Variants in YLPM1 observed in about 807,000 individuals in gnomAD.
YLPM1 encodes the protein YLP motif containing 1.
YLPM1 carries 99 observed loss-of-function variants against 230.0 expected under a neutral mutation model. The observed-to-expected ratio is 0.43, with a 90% CI of 0.37 to 0.51. YLPM1 has a LOEUF of 0.51. Among genes scored for constraint, YLPM1 ranks in the 20% least tolerant of loss-of-function variants. YLPM1 has a pLI of 0.00. For synonymous variants in YLPM1, 984 were observed against 942.5 expected, an observed-to-expected ratio of 1.04 and a Z score of -0.81; for missense variants, 2,592 against 2,707.7, an observed-to-expected ratio of 0.96 and a Z score of 0.95.
At chr14:74,805,796 G>A (rs908938869) in intron 6 of YLPM1, among the ~76,000 whole-genome samples, 2 of 149,536 alleles carry the variant, frequency 1.3e-5, no homozygotes, top group East Asian at 2.0e-4. Context: ...TCCACCTCCC[G>A]GGTTCAAGTG....
chr14:74,781,892 C>A lies in YLPM1; in HGVS notation c.1849C>A (p.Pro617Thr). ...ATCTCTCTCTTCAACAGCACCTCCA[C>A]CTGTCATGCCCCTCCCACCATTGTC... Reference protein sequence around the residue: ...PPSLSSTAPPPVMPLPPLSSA... With the variant: ...PPSLSSTAPPTVMPLPPLSSA... Residue 617 changes from proline (P) to threonine (T), a missense_variant, in exon 4 of 21, where the codon CCT becomes ACT. Coordinates refer to ENST00000325680, the MANE Select transcript of YLPM1 (RefSeq NM_019589.3). The A allele has an allele frequency of 6.2e-7, 1 of 1,613,796 alleles. No individual in the cohort carries two copies. Among genetic ancestry groups the A allele is most frequent in the South Asian group, 1.1e-5 (1 of 91,068 alleles).
intron 5 of YLPM1, among the ~76,000 whole-genome samples, chr14:74,801,243 C>G (rs529765919): frequency 6.6e-6 from 1 of 152,106 alleles, no homozygotes; most frequent in East Asian, 1.9e-4. Context: ...TAGCCGAATA[C>G]AAGTCGTTTA....
intron 1 of YLPM1, among the ~76,000 whole-genome samples, chr14:74,774,414 T>C (rs537044358): frequency 6.6e-6 from 1 of 152,196 alleles, no homozygotes; most frequent in South Asian, 2.1e-4. Context: ...TTTTGTATTT[T>C]TTTTGTTTTG....
At chr14:74,814,499 G>T (rs1267636767) in intron 11 of YLPM1, among the ~76,000 whole-genome samples, 1 of 152,180 alleles carries the variant, frequency 6.6e-6, no homozygotes, top group African/African-American at 2.4e-5. Context: ...TGCTTTTTCT[G>T]TGTCAGTTGA....
At position 74,811,728 on chromosome 14, in the gene YLPM1, C is replaced by G; in HGVS notation, c.5337C>G (p.Ser1779=). 1 of 1,596,388 alleles carries G rather than the reference C, an allele frequency of 6.3e-7. No homozygotes were observed. Among genetic ancestry groups the G allele is most frequent in the Admixed American group, 1.8e-5 (1 of 54,394 alleles). ...ACCGACCAGTCTATGAAGGACCATC[C>G]ATGTTTGGAGGTAGAGTGATGCCTT... ...KSDRPVYEGP[S]MFGGERRTYP... Residue 1779 remains serine (S), a synonymous_variant, in exon 10 of 21, where the codon TCC becomes TCG. Coordinates refer to ENST00000325680, the MANE Select transcript of YLPM1 (RefSeq NM_019589.3).
rs1170869883 is a variant in YLPM1, at chr14:74,792,234, C to T, written c.2283-5346C>T. 3.3e-5 allele frequency among the ~76,000 whole-genome samples: 5 copies of T among 152,164 alleles called. No individual in the cohort carries two copies. In the East Asian group the frequency reaches 5.8e-4, roughly 18 times the overall value. On this transcript the variant is annotated intron_variant, in intron 4 of 20. Transcript: ENST00000325680. Reference sequence around the variant, plus strand: ...TTCGCCTTTGCCCATTATAGCTCTGCCAAGCCTTCACTACTTCGCATAGAC... The same window carrying T: ...TTCGCCTTTGCCCATTATAGCTCTGTCAAGCCTTCACTACTTCGCATAGAC...
chr14:74,802,429 G>T, intron 5 of YLPM1, 127 bp from the exon 6 acceptor site: 1 of 1,037,780 alleles, frequency 9.6e-7, no homozygotes. Flanking sequence ...CTCAGTGTAT[G>T]GCCACTGCAG....
intron 4 of YLPM1, among the ~76,000 whole-genome samples, chr14:74,782,726 A>T (rs2091108504): frequency 6.6e-6 from 1 of 152,240 alleles, no homozygotes; most frequent in Non-Finnish European, 1.5e-5. Flanking sequence ...TGAATAAGCC[A>T]ATATTCTACT....
At chr14:74,834,176 C>A (rs1322162587) in intron 19 of YLPM1, among the ~76,000 whole-genome samples, 2 of 139,238 alleles carry the variant, frequency 1.4e-5, no homozygotes, top group African/African-American at 5.6e-5. Context: ...TAGTGAGACT[C>A]TGACTCTAAA....
At chr14:74,790,846 C>T (rs1419889544) in intron 4 of YLPM1, among the ~76,000 whole-genome samples, 1 of 152,026 alleles carries the variant, frequency 6.6e-6, no homozygotes, top group African/African-American at 2.4e-5. Context: ...ATGAGTATCT[C>T]TTGATATATT....
At chr14:74,802,799 A>G in intron 6 of YLPM1, 123 bp downstream of exon 6, 1 of 1,265,692 alleles carries the variant, frequency 7.9e-7, no homozygotes, top group Non-Finnish European at 1.1e-6. Context: ...AATTTTGGAA[A>G]CTTAAAAGTT....
At chr14:74,788,411 C>G (rs904482270) in intron 4 of YLPM1, among the ~76,000 whole-genome samples, 34 of 152,180 alleles carry the variant, frequency 2.2e-4, no homozygotes, top group Non-Finnish European at 3.8e-4. Context: ...TGAGCCACCG[C>G]GCCTGGCCTT....
rs1339692882 is a variant in YLPM1, at chr14:74,763,944, T to G, written c.455T>G (p.Val152Gly). 9.9e-7 allele frequency: 1 copy of G among 1,010,142 alleles called. No homozygotes were observed. The highest frequency in any genetic ancestry group is 1.2e-6 in the Non-Finnish European group (1 of 802,742). The allele number at this position is 1,010,142 out of a possible 1,614,324, so 62.6% of individuals were successfully genotyped here. The change falls in exon 1 of 21, where the codon GTG (valine) becomes GGG (glycine). Residue 152 changes from valine to glycine, a missense_variant. Transcript: ENST00000325680. Reference protein sequence around the residue: ...ELESPPESPPVPPGSYMPPSQ... With the variant: ...ELESPPESPPGPPGSYMPPSQ... The stretch of plus-strand genomic sequence containing the variant: ...GAATCCCCCCCTGAATCTCCCCCTG[T>G]GCCGCCTGGGTCCTATATGCCCCCA...
At chr14:74,792,870 A>G (rs1048861696) in intron 4 of YLPM1, among the ~76,000 whole-genome samples, 3 of 152,156 alleles carry the variant, frequency 2.0e-5, no homozygotes, top group Admixed American at 1.3e-4. Context: ...GTGCATGCTC[A>G]AGTAACTTGC....
chr14:74,782,380 G>T, intron 4 of YLPM1, 55 bp downstream of exon 4: 1 of 1,472,624 alleles, frequency 6.8e-7, no homozygotes, highest in East Asian at 2.4e-5. Flanking sequence ...ATTGACTTAG[G>T]CTATTTGGTT....
chr14:74,787,563 G>A (rs2091161950), intron 4 of YLPM1, among the ~76,000 whole-genome samples: 1 of 150,720 alleles, frequency 6.6e-6, no homozygotes, highest in Non-Finnish European at 1.5e-5. Flanking sequence ...GAGCGAGAAC[G>A]AGATTCCGTC....
rs565196150 is a variant in YLPM1 at position 74,788,033 on chromosome 14, A to T, written c.2282+5708A>T. On this transcript the variant is annotated intron_variant, in intron 4 of 20. Transcript: ENST00000325680. ...AAAATAAAAATAAAGGGATAGTGAA[A>T]AAAATGTTAAAGACAAACTCTTTTC... Among the ~76,000 whole-genome samples, 6 of 152,322 alleles carry T rather than the reference A, an allele frequency of 3.9e-5. No individual in the cohort carries two copies. The South Asian group carries it at 1.2e-3, about 32-fold the overall frequency.
chr14:74,787,860 C>T (rs1227999684), intron 4 of YLPM1, among the ~76,000 whole-genome samples: 4 of 152,188 alleles, frequency 2.6e-5, no homozygotes, highest in African/African-American at 9.6e-5. Flanking sequence ...ACTAAAAATA[C>T]AAAAATTAGC....
chr14:74,802,533 A>C (rs144134953), intron 5 of YLPM1, 23 bp from the exon 6 acceptor site: 1 of 1,604,936 alleles, frequency 6.2e-7, no homozygotes, highest in Non-Finnish European at 8.5e-7. Context: ...TTTATGTACT[A>C]TGTCAATTTT....
Sources: gnomAD v4.1 joint callset for allele counts (sites outside exome capture counted in the v4.1 genomes callset) on GRCh38, gnomAD v4.1.1 for gene constraint, MANE v1.5 for transcripts, NCBI Gene and HGNC (gene_info 2026-07-23, HGNC 2026-07-21) for gene names.